The following ZNF362 variants were observed in gnomAD, a reference collection of about 807,000 sequenced individuals.
ZNF362 encodes the protein rotund homolog.
A neutral mutation model predicts 42.9 loss-of-function variants in ZNF362; 11 were observed. The observed-to-expected ratio is 0.26, with a 90% CI of 0.16 to 0.42. The LOEUF (loss-of-function observed/expected upper bound fraction) is 0.42. Among genes scored for constraint, ZNF362 ranks in the 20% least tolerant of loss-of-function variants. ZNF362 has a pLI of 1.00. For synonymous variants in ZNF362, 255 were observed against 257.3 expected (o/e 0.99, Z 0.09); for missense variants, 362 against 576.2 (o/e 0.63, Z 3.81).
the ZNF362 span, chr1:33,164,691 G>GA: frequency 1.3e-5 from 2 of 152,278 alleles, no homozygotes; most frequent in Non-Finnish European, 2.9e-5. Context: ...CTTAAGGGGA[G>GA]ATGATACCAG....
the ZNF362 span, among the ~76,000 whole-genome samples, chr1:33,133,686 AG>A: frequency 1.3e-5 from 2 of 152,206 alleles, no homozygotes; most frequent in Non-Finnish European, 2.9e-5. Flanking sequence ...TGTTAGGGCA[AG>A]GGCAGTGGAC....
At chr1:33,259,257 A>G (rs903058867) in intron 1 of ZNF362, among the ~76,000 whole-genome samples, 1 of 152,094 alleles carries the variant, frequency 6.6e-6, no homozygotes, top group Non-Finnish European at 1.5e-5. Context: ...AGGAATTGCT[A>G]GTGGATGGTG....
the ZNF362 span, among the ~76,000 whole-genome samples, chr1:33,136,749 C>T: frequency 0.021 from 3,134 of 151,572 alleles, 67 homozygotes; most frequent in African/African-American, 0.047. Flanking sequence ...CCCGTAATCC[C>T]AGCACTTTGG....
At chr1:33,238,385 TA>T in the ZNF362 span, among the ~76,000 whole-genome samples, 4 of 111,736 alleles carry the variant, frequency 3.6e-5, no homozygotes, top group Non-Finnish European at 6.2e-5. Context: ...ATAAAATAAA[TA>T]AAATAAAATA....
At chr1:33,160,025 T>A in the ZNF362 span, 1 of 1,545,310 alleles carries the variant, frequency 6.5e-7, no homozygotes, top group Non-Finnish European at 8.7e-7. Flanking sequence ...ATCGAGAGCC[T>A]TGACACACAG....
the ZNF362 span, among the ~76,000 whole-genome samples, chr1:33,211,783 C>A: frequency 1.3e-5 from 2 of 151,930 alleles, no homozygotes; most frequent in African/African-American, 2.4e-5. Context: ...TGTTGGCCTG[C>A]CTTGCTAGGT....
Position 33,270,474 on chromosome 1 carries a change from T to G in ZNF362, c.-88-13T>G. ...TTATTGTTATTATTGTTATTGTTATTCCCATATACAAGGTGCTGTTGGGAA... is the reference window on the plus strand; with the variant it reads ...TTATTGTTATTATTGTTATTGTTATGCCCATATACAAGGTGCTGTTGGGAA... On this transcript the variant is annotated splice_polypyrimidine_tract_variant and intron_variant, in intron 1 of 8. Coordinates refer to ENST00000539719, the MANE Select transcript of ZNF362 (RefSeq NM_152493.3). 1.5e-6 allele frequency: 1 copy of G among 679,922 alleles called. No individual in the cohort carries two copies. Among genetic ancestry groups the G allele is most frequent in the Non-Finnish European group, 2.7e-6 (1 of 372,102 alleles). The allele number at this position is 679,922 out of a possible 1,614,324, so 42.1% of individuals were successfully genotyped here.
chr1:33,235,882 C>G, the ZNF362 span, among the ~76,000 whole-genome samples: 2 of 152,168 alleles, frequency 1.3e-5, no homozygotes, highest in Admixed American at 6.5e-5. Context: ...TGCTGTTCCT[C>G]CCTCCTTCTG....
chr1:33,203,290 G>A, the ZNF362 span, among the ~76,000 whole-genome samples: 1 of 151,952 alleles, frequency 6.6e-6, no homozygotes, highest in African/African-American at 2.4e-5. Flanking sequence ...CCATGTTGTG[G>A]TAAATGGCAG....
chr1:33,146,346 C>T, the ZNF362 span: 1 of 168,794 alleles, frequency 5.9e-6, no homozygotes, highest in African/African-American at 2.4e-5. Flanking sequence ...TTCTGGAAGC[C>T]TCCTGCACCC....
chr1:33,159,645 A>AG, the ZNF362 span: 3 of 1,577,954 alleles, frequency 1.9e-6, no homozygotes, highest in East Asian at 4.5e-5. The surrounding 1 kb of genome is among the most constrained non-coding windows in gnomAD (Gnocchi z 4.2). Context: ...TGGGTCGAGG[A>AG]GGGGATGGTC....
At chr1:33,259,367 G>C (rs1469634914) in intron 1 of ZNF362, among the ~76,000 whole-genome samples, 2 of 152,178 alleles carry the variant, frequency 1.3e-5, no homozygotes, top group African/African-American at 4.8e-5. Context: ...TTGGGGGGTG[G>C]AGGCAAGTTG....
At chr1:33,290,098 TA>T in intron 6 of ZNF362, among the ~76,000 whole-genome samples, 1 of 152,090 alleles carries the variant, frequency 6.6e-6, no homozygotes, top group Non-Finnish European at 1.5e-5. Context: ...GGTTTTTTTT[TA>T]TTTTTTTATT....
chr1:33,270,458 T>C, intron 1 of ZNF362, 29 bp from the exon 2 acceptor site: 2 of 643,894 alleles, frequency 3.1e-6, no homozygotes, highest in Non-Finnish European at 5.7e-6. Context: ...ATTATTGTTA[T>C]TATTGTTATT....
rs2148110679 is a variant in ZNF362 at position 33,281,477 on chromosome 1, A to G, written c.684-110A>G. 1 of 1,043,312 alleles carries G rather than the reference A, an allele frequency of 9.6e-7. No individual in the cohort carries two copies. The allele number at this position is 1,043,312 out of a possible 1,614,324, so 64.6% of individuals were successfully genotyped here. ...AGGTGGTCCTGTGCTTCTTGGGCTC[A>G]TCACAGGAAAGACCTGTCCCAGGTG... On this transcript the variant is annotated intron_variant, in intron 5 of 8. Coordinates refer to ENST00000539719, the MANE Select transcript of ZNF362 (RefSeq NM_152493.3). This position sits in a 1 kb window ranked among gnomAD's most constrained non-coding sequence, Gnocchi z 4.8.
At chr1:33,230,486 G>A in the ZNF362 span, among the ~76,000 whole-genome samples, 1 of 152,092 alleles carries the variant, frequency 6.6e-6, no homozygotes, top group Non-Finnish European at 1.5e-5. Context: ...AGAGTCTGAT[G>A]CTCCCACCAT....
chr1:33,162,597 C>T, the ZNF362 span, among the ~76,000 whole-genome samples: 3 of 152,190 alleles, frequency 2.0e-5, no homozygotes, highest in Non-Finnish European at 4.4e-5. Flanking sequence ...AGGGAAGAGT[C>T]TTGTCTGAGA....
chr1:33,260,382 A>G (rs1557785816), intron 1 of ZNF362, among the ~76,000 whole-genome samples: 3 of 152,312 alleles, frequency 2.0e-5, no homozygotes, highest in Middle Eastern at 3.4e-3. Flanking sequence ...GCCTGGTGGC[A>G]GGGCCTTTGC....
the ZNF362 span, among the ~76,000 whole-genome samples, chr1:33,167,502 T>C: frequency 6.6e-6 from 1 of 152,210 alleles, no homozygotes; most frequent in African/African-American, 2.4e-5. The surrounding 1 kb of genome is among the most constrained non-coding windows in gnomAD (Gnocchi z 4.2). Flanking sequence ...CTGTCTCTTC[T>C]TCGTCCCCGT....
Sources: gnomAD v4.1 joint callset for allele counts (sites outside exome capture counted in the v4.1 genomes callset) on GRCh38, gnomAD v4.1.1 for gene constraint, Gnocchi (gnomAD v3.1) non-coding constraint, MANE v1.5 for transcripts, NCBI Gene and HGNC (gene_info 2026-07-23, HGNC 2026-07-21) for gene names.